Variants in COP1 observed in about 807,000 individuals in gnomAD.
COP1 encodes the protein COP1 E3 ubiquitin ligase.
A neutral mutation model predicts 101.3 loss-of-function variants in COP1; 24 were observed. The observed-to-expected ratio is 0.24, with a 90% confidence interval of 0.17 to 0.33. The LOEUF is 0.33. Ranked by LOEUF, COP1 falls within the 10% of genes least tolerant of loss-of-function variation. The pLI, the probability that COP1 is intolerant of heterozygous loss-of-function variation, is 1.00. For synonymous variants in COP1, 347 were observed against 341.9 expected, an observed-to-expected ratio of 1.01 and a Z score of -0.17; for missense variants, 663 against 906.2, an observed-to-expected ratio of 0.73 and a Z score of 3.45.
chr1:175,995,109 C>T lies in COP1; in HGVS notation c.1730-5630G>A, dbSNP rs144333952. Among the ~76,000 whole-genome samples the T allele has an allele frequency of 3.6e-3, 541 of 152,292 alleles. 2 individuals carry two copies. The highest frequency in any genetic ancestry group is 0.014 in the Middle Eastern group (4 of 294). On this transcript the variant is annotated intron_variant, in intron 15 of 19. Transcript: ENST00000367669. ...AAGAAACTCACTAAAAACCGCTCAACTACATGGAAAGTGAACAACTTGCTC... is the reference window on the plus strand; with the variant it reads ...AAGAAACTCACTAAAAACCGCTCAATTACATGGAAAGTGAACAACTTGCTC...
chr1:175,989,560 T>C, intron 15 of COP1, 81 bp from the exon 16 acceptor site: 2 of 757,746 alleles, frequency 2.6e-6, no homozygotes, highest in East Asian at 5.0e-5. Flanking sequence ...TTTGGTTTTT[T>C]CATTAAAAGT....
Position 176,190,275 on chromosome 1 carries a change from G to A in COP1, c.408-5583C>T, listed in dbSNP as rs988479394. Among the ~76,000 whole-genome samples the A allele has an allele frequency of 3.9e-5, 6 of 151,964 alleles. No individual in the cohort carries two copies. In the East Asian group the frequency reaches 7.7e-4, roughly 20 times the overall value. The stretch of plus-strand genomic sequence containing the variant: ...ATGCCCCAATAAGTATTTTCTTTGC[G>A]TGTCATGGTGGCACTCAAAAAGGTT... On this transcript the variant is annotated intron_variant, in intron 1 of 19. Coordinates refer to ENST00000367669, the MANE Select transcript of COP1 (RefSeq NM_022457.7).
chr1:176,116,825 C>A, intron 8 of COP1, 144 bp from the exon 9 acceptor site: 2 of 625,706 alleles, frequency 3.2e-6, no homozygotes, highest in Non-Finnish European at 5.6e-6. Context: ...CATTAGACAT[C>A]AAATAGACAA....
rs1167672637 is a variant in COP1 at position 176,043,174 on chromosome 1, T to C, written c.1612+12A>G. 1 of 1,574,608 alleles carries C rather than the reference T, an allele frequency of 6.4e-7. No homozygotes were observed. The highest frequency in any genetic ancestry group is 1.7e-5 in the Admixed American group (1 of 59,354). On this transcript the variant is annotated intron_variant, in intron 14 of 19. Coordinates refer to ENST00000367669, the MANE Select transcript of COP1 (RefSeq NM_022457.7). ...GGAGAAGGAGGTGCTGAGAAAGAGA[T>C]TCAAACAGTACCTTTTGCATCATCA... is the stretch of plus-strand genomic sequence containing the variant.
intron 18 of COP1, among the ~76,000 whole-genome samples, chr1:175,948,764 T>A (rs1262890987): frequency 6.6e-6 from 1 of 152,174 alleles, no homozygotes; most frequent in Admixed American, 6.5e-5. Context: ...GTCAGCAGCA[T>A]CAAAGATTAT....
At chr1:176,206,426 C>T (rs1358045717) in intron 1 of COP1, 146 bp downstream of exon 1, 11 of 880,598 alleles carry the variant, frequency 1.2e-5, no homozygotes, top group Non-Finnish European at 1.7e-5. Context: ...TGCCTGCAAA[C>T]GCTCGATTCC....
intron 11 of COP1, among the ~76,000 whole-genome samples, chr1:176,074,985 A>C (rs2481653): frequency 0.86 from 131,253 of 151,990 alleles, 58,744 homozygotes; most frequent in Non-Finnish European, 0.98. Flanking sequence ...GAATGCTAAT[A>C]TGTTGCTCCA....
intron 12 of COP1, among the ~76,000 whole-genome samples, chr1:176,044,190 C>T (rs1318677240): frequency 6.6e-6 from 1 of 152,136 alleles, no homozygotes; most frequent in Non-Finnish European, 1.5e-5. Flanking sequence ...GACTGTTTAA[C>T]CCCCTGGATC....
At chr1:176,019,879 C>T (rs528917566) in intron 15 of COP1, among the ~76,000 whole-genome samples, 259 of 152,028 alleles carry the variant, frequency 1.7e-3, no homozygotes, top group African/African-American at 6.0e-3. Flanking sequence ...AAATCACTAA[C>T]GGCGTTACAG....
chr1:175,971,923 A>G (rs1653317581), intron 18 of COP1, among the ~76,000 whole-genome samples: 1 of 152,110 alleles, frequency 6.6e-6, no homozygotes, highest in Non-Finnish European at 1.5e-5. Flanking sequence ...GGCACTCAGG[A>G]GGGTTTGAGA....
At chr1:176,165,566 G>T (rs12408472) in intron 3 of COP1, among the ~76,000 whole-genome samples, 1 of 152,046 alleles carries the variant, frequency 6.6e-6, no homozygotes, top group Non-Finnish European at 1.5e-5. Context: ...ATGGTGGCAC[G>T]TGCCTGTAGT....
At chr1:176,007,434 T>G (rs948119001) in intron 15 of COP1, among the ~76,000 whole-genome samples, 3 of 152,184 alleles carry the variant, frequency 2.0e-5, no homozygotes, top group African/African-American at 7.2e-5. Context: ...TTTTTAGAGT[T>G]TCCAGTTTTT....
At chr1:176,037,246 C>CA (rs1301803724) in intron 14 of COP1, among the ~76,000 whole-genome samples, 1 of 151,672 alleles carries the variant, frequency 6.6e-6, no homozygotes, top group East Asian at 1.9e-4. Flanking sequence ...ACTAAAAATA[C>CA]AAAAACAAAA....
intron 7 of COP1, 41 bp from the exon 8 acceptor site, chr1:176,135,127 T>C (rs754836043): frequency 4.6e-6 from 6 of 1,301,354 alleles, no homozygotes; most frequent in South Asian, 1.2e-5. Context: ...ATATTTCAAA[T>C]AGAAGATATA....
intron 18 of COP1, among the ~76,000 whole-genome samples, chr1:175,975,177 T>C (rs953411046): frequency 7.2e-5 from 11 of 152,170 alleles, no homozygotes; most frequent in South Asian, 2.1e-4. Flanking sequence ...ATAGGATATA[T>C]AAAAGCTTCT....
At chr1:176,007,656 A>G (rs572563696) in intron 15 of COP1, among the ~76,000 whole-genome samples, 23 of 152,036 alleles carry the variant, frequency 1.5e-4, no homozygotes, top group South Asian at 4.2e-4. Context: ...TAGGCTGCTC[A>G]GGGGTCAGGG....
intron 14 of COP1, among the ~76,000 whole-genome samples, chr1:176,038,180 C>CA (rs1363699521): frequency 5.3e-5 from 8 of 151,702 alleles, no homozygotes; most frequent in Non-Finnish European, 1.0e-4. Flanking sequence ...TCATTAGCAC[C>CA]AAAAAATAAA....
intron 14 of COP1, among the ~76,000 whole-genome samples, chr1:176,042,653 CGCA>C (rs1670819238): frequency 1.4e-5 from 2 of 143,834 alleles, no homozygotes; most frequent in Non-Finnish European, 3.0e-5. Context: ...ATTGCTTGAA[CGCA>C]GGAGGTGGAG....
At chr1:175,993,736 C>T (rs368899778) in intron 15 of COP1, among the ~76,000 whole-genome samples, 4 of 152,140 alleles carry the variant, frequency 2.6e-5, no homozygotes, top group East Asian at 1.9e-4. Context: ...AAGAAATATG[C>T]GACTATGTGA....
Sources: gnomAD v4.1 joint callset for allele counts (sites outside exome capture counted in the v4.1 genomes callset) on GRCh38, gnomAD v4.1.1 for gene constraint, MANE v1.5 for transcripts, NCBI Gene and HGNC (gene_info 2026-07-23, HGNC 2026-07-21) for gene names.